The following NCR1 variants were observed in gnomAD, a reference collection of about 807,000 sequenced individuals.
NCR1 encodes the protein NK cell-activating receptor.
A neutral mutation model predicts 32.5 loss-of-function variants in NCR1; 30 were observed. That is an observed-to-expected ratio of 0.92 (90% confidence interval 0.69 to 1.25). The LOEUF is 1.25. Ranked by LOEUF, NCR1 falls within the 50% of genes most tolerant of loss-of-function variation. NCR1 has a pLI of 0.00. For missense variants in NCR1, 369 were observed against 380.7 expected (o/e 0.97, Z 0.26); for synonymous variants, 169 against 143.4 (o/e 1.18, Z -1.28).
At chr19:54,915,214 G>A (rs1430768698), downstream of NCR1, among the ~76,000 whole-genome samples, 4 of 152,022 alleles carry the variant, frequency 2.6e-5, no homozygotes, top group Admixed American at 1.3e-4. Flanking sequence ...CGGGGTTCTC[G>A]GGAAATATAT....
At chr19:54,933,640 G>A in the NCR1 span, 4 of 1,614,152 alleles carry the variant, frequency 2.5e-6, no homozygotes, top group Non-Finnish European at 3.4e-6. Flanking sequence ...TATCCCCAAT[G>A]GGGTTCTTGG....
chr19:54,930,943 A>C, the NCR1 span, among the ~76,000 whole-genome samples: 1 of 152,078 alleles, frequency 6.6e-6, no homozygotes, highest in African/African-American at 2.4e-5. Context: ...GAATCGCTTG[A>C]ATCCGGGAGG....
chr19:54,925,240 T>C, the NCR1 span, among the ~76,000 whole-genome samples: 2 of 152,122 alleles, frequency 1.3e-5, no homozygotes, highest in Non-Finnish European at 2.9e-5. Context: ...GGGCTAGAGA[T>C]TTGTCACCAA....
chr19:54,913,545 C>T (rs904971439), downstream of NCR1, among the ~76,000 whole-genome samples: 2 of 152,076 alleles, frequency 1.3e-5, no homozygotes, highest in African/African-American at 4.8e-5. Flanking sequence ...TGCAGGAAGC[C>T]ATTCAAAATA....
At chr19:54,906,422 G>T in intron 2 of NCR1, 88 bp downstream of exon 2, 1 of 1,601,598 alleles carries the variant, frequency 6.2e-7, no homozygotes, top group South Asian at 1.1e-5. Flanking sequence ...GAGGGGACAG[G>T]GTGCTGGCTT....
the NCR1 span, among the ~76,000 whole-genome samples, chr19:54,921,899 ATTTT>A: frequency 6.9e-6 from 1 of 145,332 alleles, no homozygotes; most frequent in Non-Finnish European, 1.5e-5. Context: ...CAATGCTCTT[ATTTT>A]TTTTTTTTCG....
downstream of NCR1, among the ~76,000 whole-genome samples, chr19:54,917,108 C>G (rs2068151766): frequency 6.6e-6 from 1 of 151,854 alleles, no homozygotes; most frequent in Non-Finnish European, 1.5e-5. Flanking sequence ...GGACTCACTT[C>G]TCTGGCTTTC....
chr19:54,927,274 G>T, the NCR1 span, among the ~76,000 whole-genome samples: 2 of 149,924 alleles, frequency 1.3e-5, no homozygotes, highest in African/African-American at 4.9e-5. Flanking sequence ...CCAGCTACTT[G>T]GGAGGCCAAG....
intron 3 of NCR1, among the ~76,000 whole-genome samples, chr19:54,907,990 T>C (rs1015385475): frequency 2.6e-5 from 4 of 152,306 alleles, no homozygotes; most frequent in South Asian, 2.1e-4. Flanking sequence ...TCTTTTTTTT[T>C]TAATTTTTTT....
chr19:54,927,555 CA>C, the NCR1 span: 3 of 1,545,196 alleles, frequency 1.9e-6, no homozygotes, highest in East Asian at 2.4e-5. Context: ...GACTCCATCT[CA>C]AAAAAACAAA....
downstream of NCR1, among the ~76,000 whole-genome samples, chr19:54,916,338 T>TTTTTTTTTTTTTTG (rs1556721210): frequency 1.5e-5 from 2 of 132,024 alleles, no homozygotes; most frequent in Non-Finnish European, 1.6e-5. Flanking sequence ...TTTTTTTTTT[T>TTTTTTTTTTTTTTG]GAGACGAAGT....
chr19:54,915,248 G>A (rs545714729), downstream of NCR1, among the ~76,000 whole-genome samples: 13 of 152,118 alleles, frequency 8.5e-5, no homozygotes, highest in East Asian at 1.9e-3. Flanking sequence ...ATGTATATAC[G>A]GGGCTGTGGC....
chr19:54,909,934 CAAAAAA>C (rs11345154), intron 4 of NCR1, 78 bp from the exon 5 acceptor site: 155 of 611,194 alleles, frequency 2.5e-4, no homozygotes, highest in Middle Eastern at 4.1e-4. Context: ...GACTCCATCT[CAAAAAA>C]AAAAAAAAAA....
chr19:54,903,350 G>GTATATA (rs1569535517), upstream of NCR1, among the ~76,000 whole-genome samples: 2 of 108,264 alleles, frequency 1.8e-5, no homozygotes, highest in Non-Finnish European at 3.6e-5. Context: ...ATACATATAT[G>GTATATA]CATATATACA....
chr19:54,934,819 C>T, the NCR1 span, among the ~76,000 whole-genome samples: 1 of 152,170 alleles, frequency 6.6e-6, no homozygotes, highest in African/African-American at 2.4e-5. The surrounding 1 kb of genome is among the most constrained non-coding windows in gnomAD (Gnocchi z 6.7). Flanking sequence ...AAGCTATTCT[C>T]CTGCCTCAGC....
the NCR1 span, chr19:54,936,323 G>A: frequency 6.2e-7 from 1 of 1,614,030 alleles, no homozygotes; most frequent in South Asian, 1.1e-5. Context: ...GCATCATCGT[G>A]CGTTCCCACT....
chr19:54,906,942 C>A, intron 3 of NCR1, 135 bp downstream of exon 3: 2 of 1,045,238 alleles, frequency 1.9e-6, no homozygotes, highest in Non-Finnish European at 2.8e-6. Flanking sequence ...TGATCCCCAT[C>A]ACAATCCTTG....
At chr19:54,930,766 A>C in the NCR1 span, 2 of 986,890 alleles carry the variant, frequency 2.0e-6, no homozygotes, top group Non-Finnish European at 3.2e-6. Context: ...TATATACTGG[A>C]ATGCAGTGCT....
chr19:54,914,117 C>G (rs146481359), downstream of NCR1, among the ~76,000 whole-genome samples: 18 of 148,944 alleles, frequency 1.2e-4, no homozygotes, highest in East Asian at 3.5e-3. Context: ...TGCATCCCAA[C>G]CATACCCCAA....
Sources: gnomAD v4.1 joint callset for allele counts (sites outside exome capture counted in the v4.1 genomes callset) on GRCh38, gnomAD v4.1.1 for gene constraint, Gnocchi (gnomAD v3.1) non-coding constraint, MANE v1.5 for transcripts, NCBI Gene and HGNC (gene_info 2026-07-23, HGNC 2026-07-21) for gene names.